The following CTTNBP2 variants were observed in gnomAD, a reference collection of about 807,000 sequenced individuals.
The protein encoded by CTTNBP2 is cortactin binding protein 2, also known as cortactin-binding protein 2.
In CTTNBP2, 108 loss-of-function variants were observed where a neutral mutation model predicts 156.9. That is an observed-to-expected ratio of 0.69 (90% confidence interval 0.59 to 0.81). The LOEUF (loss-of-function observed/expected upper bound fraction) is 0.81. Ranked by LOEUF, CTTNBP2 falls within the 30% of genes least tolerant of loss-of-function variation. The pLI, the probability that CTTNBP2 is intolerant of heterozygous loss-of-function variation, is 0.00. For missense variants in CTTNBP2, 1,924 were observed against 2,035.4 expected (o/e 0.95, Z 1.05); for synonymous variants, 767 against 751.8 (o/e 1.02, Z -0.33).
At chr7:117,720,926 T>C in intron 20 of CTTNBP2, 141 bp downstream of exon 20, 1 of 681,056 alleles carries the variant, frequency 1.5e-6, no homozygotes, top group Non-Finnish European at 2.6e-6. Flanking sequence ...AATATCAGCA[T>C]TTGAATGACA....
intron 8 of CTTNBP2, among the ~76,000 whole-genome samples, chr7:117,774,384 A>T (rs149859167): frequency 1.3e-5 from 2 of 152,256 alleles, no homozygotes; most frequent in Non-Finnish European, 2.9e-5. Flanking sequence ...GGGGTCCCTG[A>T]ACCCCCGGGG....
At chr7:117,711,853 CTT>C in intron 22 of CTTNBP2, 71 bp from the exon 23 acceptor site, 1 of 1,456,878 alleles carries the variant, frequency 6.9e-7, no homozygotes, top group Non-Finnish European at 9.3e-7. Context: ...CCTGCCTCCT[CTT>C]TGAGCAAATG....
In CTTNBP2 at chr7:117,827,609, CG is replaced by C. The variant is rs1361431582; in HGVS notation, c.190-16621del. Among the ~76,000 whole-genome samples the C allele has an allele frequency of 2.0e-5, 3 of 152,154 alleles. No homozygotes were observed. In the East Asian group the frequency reaches 5.8e-4, roughly 29 times the overall value. On this transcript the variant is annotated intron_variant, in intron 2 of 22. Coordinates refer to ENST00000160373, the MANE Select transcript of CTTNBP2 (RefSeq NM_033427.3). ...GTTTCCCTGAGGTGTTTCAATATTTCGGGGAGAATGTAGTTTGCAGTATGAT... is the reference window on the plus strand; with the variant it reads ...GTTTCCCTGAGGTGTTTCAATATTTCGGGAGAATGTAGTTTGCAGTATGAT...
chr7:117,722,454 T>C (rs969659633), intron 19 of CTTNBP2, among the ~76,000 whole-genome samples: 1 of 152,118 alleles, frequency 6.6e-6, no homozygotes. Flanking sequence ...GTGTAAACTC[T>C]TGTAGTTTTA....
chr7:117,813,080 G>A (rs556828494), intron 2 of CTTNBP2, among the ~76,000 whole-genome samples: 26 of 152,256 alleles, frequency 1.7e-4, no homozygotes, highest in Non-Finnish European at 3.7e-4. Flanking sequence ...TGATACAGGA[G>A]AGGTGAAGGG....
chr7:117,834,666 T>A (rs765740), intron 2 of CTTNBP2, among the ~76,000 whole-genome samples: 108,067 of 152,132 alleles, frequency 0.71, 39,141 homozygotes, highest in African/African-American at 0.86. Context: ...TTTTTAAAAG[T>A]ACTCTAATAC....
At chr7:117,754,457 A>G (rs921730903) in intron 12 of CTTNBP2, among the ~76,000 whole-genome samples, 3 of 152,230 alleles carry the variant, frequency 2.0e-5, no homozygotes, top group Non-Finnish European at 2.9e-5. Context: ...TCTTATACAT[A>G]GCTCTATCCT....
intron 17 of CTTNBP2, among the ~76,000 whole-genome samples, chr7:117,727,383 T>C (rs1436416963): frequency 6.6e-6 from 1 of 152,056 alleles, no homozygotes; most frequent in Non-Finnish European, 1.5e-5. Flanking sequence ...TAAATAGAGA[T>C]GGGGTCTCAC....
intron 16 of CTTNBP2, among the ~76,000 whole-genome samples, chr7:117,734,489 G>A (rs1043704558): frequency 3.8e-4 from 58 of 152,210 alleles, no homozygotes; most frequent in African/African-American, 1.4e-3. Flanking sequence ...TCTTGAAAAT[G>A]TGTCAAAAGG....
At chr7:117,770,290 A>C (rs1453649066) in intron 8 of CTTNBP2, among the ~76,000 whole-genome samples, 1 of 152,202 alleles carries the variant, frequency 6.6e-6, no homozygotes, top group Non-Finnish European at 1.5e-5. Flanking sequence ...TCTAATTTTT[A>C]TTACATTCAG....
chr7:117,807,658 T>C (rs903027768), intron 3 of CTTNBP2, among the ~76,000 whole-genome samples: 18 of 152,212 alleles, frequency 1.2e-4, no homozygotes, highest in African/African-American at 4.1e-4. Flanking sequence ...AAATAGGTAA[T>C]GAGTGATACA....
rs752206807 is a variant in CTTNBP2 at position 117,861,211 on chromosome 7, G to T, written c.187C>A (p.Arg63=). ...ACCCACTCCTGTGTCGTCCTTACCC[G>T]CAGGGCCTCGATGACAAGGTCTCTG... is the stretch of plus-strand genomic sequence containing the variant. ...EARDLVIEAL[R]ARRKEVFIQE... The change falls in exon 2 of 23, where the codon CGG becomes AGG. Residue 63 remains arginine, a splice_region_variant and synonymous_variant. Coordinates refer to ENST00000160373, the MANE Select transcript of CTTNBP2 (RefSeq NM_033427.3). 6.2e-7 allele frequency: 1 copy of T among 1,604,828 alleles called. No homozygotes were observed. Among genetic ancestry groups the T allele is most frequent in the Non-Finnish European group, 8.5e-7 (1 of 1,172,430 alleles).
chr7:117,758,195 A>G, intron 10 of CTTNBP2: 1 of 512,268 alleles, frequency 2.0e-6, no homozygotes, highest in Non-Finnish European at 3.4e-6. Flanking sequence ...TCTCCAAAGC[A>G]GCCCATAGGA....
intron 16 of CTTNBP2, among the ~76,000 whole-genome samples, chr7:117,734,491 G>A (rs1487809090): frequency 6.6e-6 from 1 of 152,190 alleles, no homozygotes; most frequent in African/African-American, 2.4e-5. Flanking sequence ...TTGAAAATGT[G>A]TCAAAAGGTA....
intron 22 of CTTNBP2, among the ~76,000 whole-genome samples, chr7:117,716,401 C>T (rs1794378893): frequency 6.6e-6 from 1 of 152,026 alleles, no homozygotes; most frequent in Non-Finnish European, 1.5e-5. Context: ...GTTCACTGTT[C>T]CTCTTGCTAA....
chr7:117,829,945 C>A (rs1325934059), intron 2 of CTTNBP2, among the ~76,000 whole-genome samples: 1 of 152,168 alleles, frequency 6.6e-6, no homozygotes, highest in Non-Finnish European at 1.5e-5. Context: ...GTACCAAGCA[C>A]ATGGATTCTT....
At chr7:117,854,675 T>C (rs1803146549) in intron 2 of CTTNBP2, among the ~76,000 whole-genome samples, 2 of 152,232 alleles carry the variant, frequency 1.3e-5, no homozygotes, top group African/African-American at 2.4e-5. Context: ...ATAATTACTT[T>C]TAGTTTAAAG....
intron 2 of CTTNBP2, among the ~76,000 whole-genome samples, chr7:117,815,020 G>A (rs528538128): frequency 2.0e-5 from 3 of 152,172 alleles, no homozygotes; most frequent in African/African-American, 7.2e-5. Context: ...AAGACCACGT[G>A]TTCTTCATTA....
chr7:117,740,568 T>C (rs4730802), intron 14 of CTTNBP2, among the ~76,000 whole-genome samples: 40,385 of 152,062 alleles, frequency 0.27, 5,844 homozygotes, highest in African/African-American at 0.34. Context: ...TGGTACTTAC[T>C]ATTTGATCAC....
Sources: gnomAD v4.1 joint callset for allele counts (sites outside exome capture counted in the v4.1 genomes callset) on GRCh38, gnomAD v4.1.1 for gene constraint, MANE v1.5 for transcripts, NCBI Gene and HGNC (gene_info 2026-07-23, HGNC 2026-07-21) for gene names.